The following SATB2 variants were observed in gnomAD, a reference collection of about 807,000 sequenced individuals.
SATB2 encodes the protein SATB homeobox 2, also known as DNA-binding protein SATB2.
A neutral mutation model predicts 73.4 loss-of-function variants in SATB2; 1 was observed. The ratio of observed to expected loss-of-function variants is 0.01; its 90% CI spans 0.00 to 0.06. SATB2 has a LOEUF of 0.06. Among genes scored for constraint, SATB2 ranks in the 10% least tolerant of loss-of-function variants. The probability of loss-of-function intolerance (pLI) is 1.00; values close to 1 mark genes in which losing one functional copy is unlikely to be tolerated. For missense variants in SATB2, 459 were observed against 945.8 expected, an observed-to-expected ratio of 0.49 and a Z score of 6.75; for synonymous variants, 397 against 367.0, an observed-to-expected ratio of 1.08 and a Z score of -0.93.
At position 199,270,179 on chromosome 2, in the gene SATB2, C is replaced by A. The variant is rs781666378; in HGVS notation, c.*2032G>T. 1 of 152,686 alleles carries A rather than the reference C, an allele frequency of 6.5e-6. No homozygotes were observed. The highest frequency in any genetic ancestry group is 1.5e-5 in the Non-Finnish European group (1 of 68,004). 9.5% of individuals were successfully genotyped at this position (152,686 alleles called of 1,614,324 possible). On this transcript the variant is annotated 3_prime_UTR_variant, in exon 11 of 11. Transcript: ENST00000417098. The stretch of plus-strand genomic sequence containing the variant: ...GGGGCCAGGGCTAACTGCAAACAAC[C>A]ATCCTTTTGCAAAGGTATATGACGC...
At chr2:199,279,263 A>G (rs1692409470) in intron 10 of SATB2, among the ~76,000 whole-genome samples, 1 of 152,212 alleles carries the variant, frequency 6.6e-6, no homozygotes, top group Non-Finnish European at 1.5e-5. Flanking sequence ...CTGCTTTCAA[A>G]ATTTGAAAAC....
intron 6 of SATB2, among the ~76,000 whole-genome samples, chr2:199,366,470 A>C (rs1689288202): frequency 6.6e-6 from 1 of 151,882 alleles, no homozygotes; most frequent in Non-Finnish European, 1.5e-5. Context: ...AATAAAACGC[A>C]CTTCTCTGGG....
At chr2:199,311,862 T>C (rs1459771778) in intron 9 of SATB2, among the ~76,000 whole-genome samples, 4 of 152,214 alleles carry the variant, frequency 2.6e-5, no homozygotes, top group African/African-American at 4.8e-5. Context: ...CAATACGGTC[T>C]CTTATTAGCT....
At chr2:199,461,741 C>T (rs985400597), upstream of SATB2, among the ~76,000 whole-genome samples, 15 of 152,154 alleles carry the variant, frequency 9.9e-5, no homozygotes, top group African/African-American at 3.4e-4. Context: ...TTCACAAACA[C>T]GGATTTGTTA....
At chr2:199,452,097 A>G (rs1692141842) in intron 2 of SATB2, among the ~76,000 whole-genome samples, 1 of 152,154 alleles carries the variant, frequency 6.6e-6, no homozygotes, top group African/African-American at 2.4e-5. Flanking sequence ...TAAAATGTAG[A>G]ACATTTAACA....
intron 7 of SATB2, among the ~76,000 whole-genome samples, chr2:199,342,763 C>A (rs1688543337): frequency 6.6e-6 from 1 of 152,130 alleles, no homozygotes; most frequent in African/African-American, 2.4e-5. Context: ...CCAGCAGATG[C>A]CATGACCTTG....
At position 199,349,204 on chromosome 2, in the gene SATB2, T is replaced by C. The variant is rs372796942; in HGVS notation, c.701-31A>G. 8.1e-6 allele frequency: 12 copies of C among 1,475,884 alleles called. No individual in the cohort carries two copies. In the African/African-American group the frequency reaches 1.5e-4, roughly 19 times the overall value. The allele number at this position is 1,475,884 out of a possible 1,614,324, so 91.4% of individuals were successfully genotyped here. A position where few individuals can be genotyped will look rare whatever the true frequency, so the allele number is the denominator to read the frequency against. On this transcript the variant is annotated intron_variant, in intron 6 of 10. Transcript: ENST00000417098. ...AAGAGATAAAAGTGATAATTAATCA[T>C]TATTTTCATTGGTACAATTTATTGC...
Position 199,308,549 on chromosome 2 carries a change from TAC to T in SATB2, c.1740+209_1740+210del, listed in dbSNP as rs3833553. On this transcript the variant is annotated intron_variant, in intron 10 of 10. Coordinates refer to ENST00000417098, the MANE Select transcript of SATB2 (RefSeq NM_001172509.2). The surrounding 1 kb of genome is among the most constrained non-coding windows in gnomAD (Gnocchi z 4.6). ...TCAGTCATTTTTCTTTGTGTGTGCA[TAC>T]ACACACACACACGCACGCACATGCA... Among the ~76,000 whole-genome samples, 40 of 151,202 alleles carry T rather than the reference TAC, an allele frequency of 2.6e-4. No individual in the cohort carries two copies. Among genetic ancestry groups the T allele is most frequent in the African/African-American group, 8.2e-4 (34 of 41,318 alleles).
At chr2:199,394,826 A>T (rs1690250879) in intron 3 of SATB2, among the ~76,000 whole-genome samples, 1 of 152,148 alleles carries the variant, frequency 6.6e-6, no homozygotes, top group African/African-American at 2.4e-5. Flanking sequence ...TCCTTAAAAT[A>T]ACTTAAGTGG....
At chr2:199,336,939 T>C (rs912716023) in intron 7 of SATB2, among the ~76,000 whole-genome samples, 2 of 152,180 alleles carry the variant, frequency 1.3e-5, no homozygotes, top group South Asian at 2.1e-4. Flanking sequence ...GCTTCCCTTA[T>C]AGGGTCCCCT....
At chr2:199,293,189 T>C (rs1192417503) in intron 10 of SATB2, among the ~76,000 whole-genome samples, 1 of 152,188 alleles carries the variant, frequency 6.6e-6, no homozygotes, top group Non-Finnish European at 1.5e-5. Flanking sequence ...GAATTCACTT[T>C]ATTGGACAGT....
At chr2:199,423,303 C>T (rs1181498690) in intron 3 of SATB2, among the ~76,000 whole-genome samples, 2 of 152,068 alleles carry the variant, frequency 1.3e-5, no homozygotes, top group Non-Finnish European at 2.9e-5. Flanking sequence ...CCTAGAACAA[C>T]ATCTAACACA....
intron 5 of SATB2, among the ~76,000 whole-genome samples, chr2:199,375,093 G>A (rs1689561139): frequency 6.6e-6 from 1 of 152,072 alleles, no homozygotes; most frequent in African/African-American, 2.4e-5. Context: ...TATTTAAATG[G>A]GTCAAAACCC....
At chr2:199,318,808 A>G (rs1404012912) in intron 9 of SATB2, among the ~76,000 whole-genome samples, 1 of 151,256 alleles carries the variant, frequency 6.6e-6, no homozygotes, top group East Asian at 1.9e-4. Context: ...TTTTTCTTTT[A>G]TATAAAAAGA....
chr2:199,283,136 T>C (rs1425300638), intron 10 of SATB2, among the ~76,000 whole-genome samples: 1 of 150,550 alleles, frequency 6.6e-6, no homozygotes, highest in Non-Finnish European at 1.5e-5. Flanking sequence ...CAGGCTGGAG[T>C]GCAATGGTGC....
chr2:199,326,092 G>A (rs1043807748), intron 8 of SATB2: 1 of 152,116 alleles, frequency 6.6e-6, no homozygotes, highest in African/African-American at 2.4e-5. Context: ...CTAAAAGGCT[G>A]AGTCAGTGAG....
intron 3 of SATB2, among the ~76,000 whole-genome samples, chr2:199,382,896 T>C (rs1159951403): frequency 2.6e-5 from 4 of 152,148 alleles, no homozygotes; most frequent in Non-Finnish European, 5.9e-5. Flanking sequence ...TTTAAAAAAA[T>C]ATATTATCAT....
rs1283437560 is a variant in SATB2, at chr2:199,464,711, G to C, written c.-141+125C>G. 1.3e-5 allele frequency: 2 copies of C among 152,226 alleles called. No homozygotes were observed. Among genetic ancestry groups the C allele is most frequent in the Non-Finnish European group, 2.9e-5 (2 of 68,072 alleles). The allele number at this position is 152,226 out of a possible 1,614,324, so 9.4% of individuals were successfully genotyped here. A position where few individuals can be genotyped will look rare whatever the true frequency, so the allele number is the denominator to read the frequency against. Reference sequence around the variant, plus strand: ...CGCCCCGCGGTCGCGTGGCCTACTCGCCTACTCCCTTATTATTGGCTGGGA... The same window carrying C: ...CGCCCCGCGGTCGCGTGGCCTACTCCCCTACTCCCTTATTATTGGCTGGGA... On this transcript the variant is annotated intron_variant, in intron 1 of 11. Transcript: ENST00000260926. This position sits in a 1 kb window ranked among gnomAD's most constrained non-coding sequence, Gnocchi z 6.6.
intron 10 of SATB2, among the ~76,000 whole-genome samples, chr2:199,303,816 A>T (rs998591413): frequency 6.6e-6 from 1 of 152,166 alleles, no homozygotes; most frequent in Admixed American, 6.5e-5. Context: ...CTGGTGTCTG[A>T]CTGTCACTAA....
Sources: allele counts gnomAD v4.1 joint callset (sites outside exome capture counted in the v4.1 genomes callset), GRCh38; gene constraint gnomAD v4.1.1; non-coding constraint Gnocchi (gnomAD v3.1); transcripts MANE v1.5; gene names NCBI Gene and HGNC (gene_info 2026-07-23, HGNC 2026-07-21).